Variants in MSRA observed in about 807,000 individuals in gnomAD.
The protein encoded by MSRA is mitochondrial peptide methionine sulfoxide reductase.
MSRA carries 54 observed loss-of-function variants against 31.3 expected under a neutral mutation model. The ratio of observed to expected loss-of-function variants is 1.73; its 90% CI spans 1.39 to 2.17. The LOEUF (loss-of-function observed/expected upper bound fraction) is 2.17, where lower values mean the gene tolerates loss of function less well. MSRA is among the 30% of genes most tolerant of loss of function. The pLI is 0.00. For missense variants in MSRA, 507 were observed against 300.9 expected, an observed-to-expected ratio of 1.69 and a Z score of -5.07; for synonymous variants, 169 against 116.5, an observed-to-expected ratio of 1.45 and a Z score of -2.90.
intron 5 of MSRA, among the ~76,000 whole-genome samples, chr8:10,380,882 G>A (rs1806026372): frequency 6.6e-6 from 1 of 151,656 alleles, no homozygotes; most frequent in Non-Finnish European, 1.5e-5. Context: ...TGGGTGGGTG[G>A]GTAGATGGAT....
At chr8:10,403,522 C>T (rs1807597036) in intron 5 of MSRA, among the ~76,000 whole-genome samples, 1 of 152,192 alleles carries the variant, frequency 6.6e-6, no homozygotes, top group Non-Finnish European at 1.5e-5. Context: ...CGCTGGGGCT[C>T]TGGAGGTGCT....
intron 5 of MSRA, among the ~76,000 whole-genome samples, chr8:10,342,534 C>G (rs937282317): frequency 3.3e-5 from 5 of 152,222 alleles, no homozygotes; most frequent in Non-Finnish European, 5.9e-5. Context: ...CCGCACGGAA[C>G]TGCTGATCTT....
At chr8:10,187,173 C>T (rs114691316) in intron 1 of MSRA, among the ~76,000 whole-genome samples, 168 of 152,286 alleles carry the variant, frequency 1.1e-3, no homozygotes, top group African/African-American at 3.9e-3. Flanking sequence ...ATGGTACGAC[C>T]AGCCGCTGAT....
intron 2 of MSRA, among the ~76,000 whole-genome samples, chr8:10,228,518 C>G (rs976866106): frequency 1.3e-5 from 2 of 152,184 alleles, no homozygotes; most frequent in African/African-American, 4.8e-5. Context: ...ATAATTTGAT[C>G]CCACAGCACC....
chr8:10,191,239 C>A (rs1169724418), intron 1 of MSRA, among the ~76,000 whole-genome samples: 1 of 152,082 alleles, frequency 6.6e-6, no homozygotes, highest in East Asian at 1.9e-4. Context: ...ATAACCCCAC[C>A]ATCTTTTTAC....
chr8:10,386,620 C>T (rs1000397873), intron 5 of MSRA, among the ~76,000 whole-genome samples: 1 of 152,102 alleles, frequency 6.6e-6, no homozygotes, highest in African/African-American at 2.4e-5. Context: ...TTGGGCCTTA[C>T]CTGGAGCTTC....
At chr8:10,219,309 T>G (rs1001264494) in intron 2 of MSRA, among the ~76,000 whole-genome samples, 2 of 152,180 alleles carry the variant, frequency 1.3e-5, no homozygotes, top group African/African-American at 4.8e-5. Context: ...TTTTCCATAC[T>G]TCCAGTTCTC....
At chr8:10,252,585 G>T (rs1797973890) in intron 3 of MSRA, among the ~76,000 whole-genome samples, 1 of 152,190 alleles carries the variant, frequency 6.6e-6, no homozygotes, top group African/African-American at 2.4e-5. Flanking sequence ...TTGAACTGGG[G>T]AGTGGTATGC....
intron 5 of MSRA, among the ~76,000 whole-genome samples, chr8:10,380,394 G>C (rs893404237): frequency 4.6e-5 from 7 of 152,158 alleles, no homozygotes; most frequent in African/African-American, 1.7e-4. Context: ...TGGTGGGATG[G>C]AGCCATGGCG....
chr8:10,070,003 A>C (rs1797652374), intron 1 of MSRA, among the ~76,000 whole-genome samples: 1 of 152,356 alleles, frequency 6.6e-6, no homozygotes, highest in Non-Finnish European at 1.5e-5. Context: ...GTAAGTGCTT[A>C]CGGGTACCTC....
intron 1 of MSRA, among the ~76,000 whole-genome samples, chr8:10,073,451 A>C (rs1173184693): frequency 6.6e-6 from 1 of 152,220 alleles, no homozygotes; most frequent in Non-Finnish European, 1.5e-5. Context: ...GATAGTGACC[A>C]TATGACCCTC....
chr8:10,365,760 T>C (rs780084096), intron 5 of MSRA, among the ~76,000 whole-genome samples: 5 of 152,198 alleles, frequency 3.3e-5, no homozygotes, highest in Non-Finnish European at 7.3e-5. Context: ...TTGCCTCCTC[T>C]CATCAGGCCT....
chr8:10,133,283 A>T (rs536633218), intron 1 of MSRA, among the ~76,000 whole-genome samples: 2 of 152,302 alleles, frequency 1.3e-5, no homozygotes, highest in South Asian at 4.1e-4. Context: ...GGCTCACTGA[A>T]TCCTCACGAC....
intron 1 of MSRA, among the ~76,000 whole-genome samples, chr8:10,082,259 C>G (rs1168179253): frequency 6.6e-6 from 1 of 152,012 alleles, no homozygotes; most frequent in Non-Finnish European, 1.5e-5. Context: ...AAAACCTGAC[C>G]CATAACACAG....
intron 5 of MSRA, among the ~76,000 whole-genome samples, chr8:10,351,200 A>G (rs1804118763): frequency 6.6e-6 from 1 of 151,736 alleles, no homozygotes; most frequent in Non-Finnish European, 1.5e-5. Context: ...TTCCCTCCCA[A>G]AAACATCATG....
chr8:10,111,896 C>A (rs1800316992), intron 1 of MSRA, among the ~76,000 whole-genome samples: 1 of 152,188 alleles, frequency 6.6e-6, no homozygotes, highest in Non-Finnish European at 1.5e-5. Context: ...GATGGTGACA[C>A]TCAAGTGGGG....
intron 2 of MSRA, among the ~76,000 whole-genome samples, chr8:10,217,028 C>T (rs28439500): frequency 0.04 from 6,081 of 152,302 alleles, 187 homozygotes; most frequent in African/African-American, 0.087. Context: ...CAGCGAACCA[C>T]AAGGGTTCCA....
intron 5 of MSRA, among the ~76,000 whole-genome samples, chr8:10,421,779 T>C (rs1306977090): frequency 6.6e-6 from 1 of 152,206 alleles, no homozygotes; most frequent in Admixed American, 6.5e-5. Context: ...CTGAGGTGGA[T>C]GAGGCCTAGG....
chr8:10,057,139 G>C (rs814425), intron 1 of MSRA, among the ~76,000 whole-genome samples: 152,225 of 152,330 alleles, frequency 1, 76,060 homozygotes, highest in Non-Finnish European at 1. Context: ...TAAAATGGAT[G>C]AAAACATGAA....
Sources: allele counts gnomAD v4.1 joint callset (sites outside exome capture counted in the v4.1 genomes callset), GRCh38; gene constraint gnomAD v4.1.1; transcripts MANE v1.5; gene names NCBI Gene and HGNC (gene_info 2026-07-23, HGNC 2026-07-21).